The following MAP4 variants were observed in gnomAD, a reference collection of about 807,000 sequenced individuals.
MAP4 encodes microtubule associated protein 4.
MAP4 carries 76 observed loss-of-function variants against 170.2 expected under a neutral mutation model. That is an observed-to-expected ratio of 0.45 (90% CI 0.37 to 0.54). The LOEUF is 0.54. MAP4 is among the 20% of genes least tolerant of loss of function. The probability of loss-of-function intolerance (pLI) is 0.00; values close to 1 mark genes in which losing one functional copy is unlikely to be tolerated. For missense variants in MAP4, 2,506 were observed against 2,748.0 expected (o/e 0.91, Z 1.97); for synonymous variants, 909 against 994.5 (o/e 0.91, Z 1.62).
chr3:48,055,809 G>A (rs1395095474), intron 1 of MAP4, among the ~76,000 whole-genome samples: 1 of 140,436 alleles, frequency 7.1e-6, no homozygotes, highest in Non-Finnish European at 1.6e-5. Flanking sequence ...GAGCGTCTCT[G>A]CCCGGCCGCC....
chr3:48,084,589 T>G (rs1250408967), intron 1 of MAP4, among the ~76,000 whole-genome samples: 3 of 151,232 alleles, frequency 2.0e-5, no homozygotes, highest in South Asian at 2.1e-4. Context: ...TTTTTTTTTT[T>G]GCAGGGGTGA....
chr3:47,899,133 G>A (rs1319693684), intron 10 of MAP4, among the ~76,000 whole-genome samples: 2 of 152,100 alleles, frequency 1.3e-5, no homozygotes, highest in Non-Finnish European at 2.9e-5. Flanking sequence ...TGGTGGATGA[G>A]GTAAATACAT....
intron 1 of MAP4, among the ~76,000 whole-genome samples, chr3:48,035,757 T>C (rs1180318289): frequency 6.6e-6 from 1 of 151,920 alleles, no homozygotes; most frequent in African/African-American, 2.4e-5. Flanking sequence ...CTGGCCAACA[T>C]GATGAAACCC....
chr3:47,984,658 C>T (rs1193083298), intron 2 of MAP4, among the ~76,000 whole-genome samples: 1 of 151,450 alleles, frequency 6.6e-6, no homozygotes, highest in Non-Finnish European at 1.5e-5. Context: ...ATCACAAAAC[C>T]CTGTCTCTAT....
intron 3 of MAP4, among the ~76,000 whole-genome samples, chr3:47,949,884 T>C (rs1211266068): frequency 8.0e-6 from 1 of 125,400 alleles, no homozygotes; most frequent in African/African-American, 3.8e-5. Flanking sequence ...GTTTTAGGGA[T>C]ACCACAATGA....
intron 9 of MAP4, among the ~76,000 whole-genome samples, chr3:47,904,620 A>G (rs1292925845): frequency 7.0e-6 from 1 of 142,802 alleles, no homozygotes; most frequent in Non-Finnish European, 1.5e-5. Flanking sequence ...TATTTTTACT[A>G]ACACCACTAA....
chr3:47,871,982 G>C lies in MAP4; in HGVS notation c.5876C>G (p.Ala1959Gly), dbSNP rs143669663. 1.1e-5 allele frequency: 17 copies of C among 1,614,010 alleles called. No individual in the cohort carries two copies. The highest frequency in any genetic ancestry group is 1.4e-5 in the Non-Finnish European group (17 of 1,179,988). ...GCTTGGGCCAGTTGAGGCAACAGCA[G>C]CAGCTGTTGTGGTTTTTGCAACAGT... ...TQTVAKTTTA[A>G]AVASTGPSSR... The change falls in exon 13 of 21, where the codon GCT (alanine) becomes GGT (glycine). Residue 1959 changes from alanine to glycine, a missense_variant. Coordinates refer to ENST00000683076, the MANE Select transcript of MAP4 (RefSeq NM_001385682.1).
At chr3:47,918,880 G>A in intron 5 of MAP4, 39 bp from the exon 6 acceptor site, 1 of 1,550,152 alleles carries the variant, frequency 6.5e-7, no homozygotes, top group Non-Finnish European at 8.8e-7. Context: ...TTGAAACTTA[G>A]TAAACATTGG....
At chr3:48,086,393 C>T (rs1405966782) in intron 1 of MAP4, among the ~76,000 whole-genome samples, 5 of 152,196 alleles carry the variant, frequency 3.3e-5, no homozygotes, top group Non-Finnish European at 4.4e-5. Flanking sequence ...TCCCAGGGCA[C>T]TTTGGGAGGC....
At chr3:47,870,742 G>A (rs2090173738) in intron 15 of MAP4, 71 bp downstream of exon 15, 1 of 1,448,008 alleles carries the variant, frequency 6.9e-7, no homozygotes, top group East Asian at 2.3e-5. Context: ...GTGGGCCTGG[G>A]AACAGTGGGT....
intron 2 of MAP4, among the ~76,000 whole-genome samples, 188 bp from the exon 3 acceptor site, chr3:47,978,121 C>T (rs1019938716): frequency 5.9e-5 from 9 of 152,134 alleles, no homozygotes; most frequent in Non-Finnish European, 1.2e-4. Flanking sequence ...ATCATTAATT[C>T]CTAGGGCACC....
intron 10 of MAP4, among the ~76,000 whole-genome samples, chr3:47,887,376 G>C (rs2097774907): frequency 6.6e-6 from 1 of 152,238 alleles, no homozygotes; most frequent in Non-Finnish European, 1.5e-5. Flanking sequence ...GGTGTACTGA[G>C]TCCCCCAGCA....
At chr3:48,030,627 C>G (rs1011317123) in intron 1 of MAP4, among the ~76,000 whole-genome samples, 6 of 151,066 alleles carry the variant, frequency 4.0e-5, no homozygotes, top group South Asian at 2.1e-4. Context: ...GATTAAAACC[C>G]GTCTCTATAA....
At chr3:48,062,264 C>A (rs1295091791) in intron 1 of MAP4, among the ~76,000 whole-genome samples, 1 of 152,080 alleles carries the variant, frequency 6.6e-6, no homozygotes, top group Non-Finnish European at 1.5e-5. Flanking sequence ...AAGGGCGGAG[C>A]AAGATGTGCT....
chr3:48,056,489 G>T (rs2100131746), intron 1 of MAP4, among the ~76,000 whole-genome samples: 1 of 19,924 alleles, frequency 5.0e-5, no homozygotes, highest in Admixed American at 3.8e-4. Context: ...GAGGGAGGTG[G>T]GGGGGGTCAG....
At chr3:47,971,986 A>G (rs186391869) in intron 3 of MAP4, among the ~76,000 whole-genome samples, 139 of 152,362 alleles carry the variant, frequency 9.1e-4, no homozygotes, top group African/African-American at 3.2e-3. Context: ...TTAATGGTCA[A>G]TTATTCCTTA....
intron 3 of MAP4, among the ~76,000 whole-genome samples, chr3:47,962,039 T>C (rs1041054412): frequency 3.3e-5 from 5 of 152,212 alleles, no homozygotes; most frequent in South Asian, 2.1e-4. Context: ...ACCAGTGCCA[T>C]GGCAGTTTAC....
intron 3 of MAP4, among the ~76,000 whole-genome samples, chr3:47,949,154 T>C (rs935953711): frequency 2.0e-5 from 3 of 152,138 alleles, no homozygotes; most frequent in African/African-American, 7.2e-5. Flanking sequence ...ATTTAGGTTC[T>C]AGGGATAAAG....
At chr3:47,901,367 A>AC (rs1313561786) in intron 10 of MAP4, among the ~76,000 whole-genome samples, 3 of 152,292 alleles carry the variant, frequency 2.0e-5, no homozygotes, top group Admixed American at 1.3e-4. Context: ...TAAACTAAAT[A>AC]CTAAAAAGTA....
Sources: allele counts gnomAD v4.1 joint callset (sites outside exome capture counted in the v4.1 genomes callset), GRCh38; gene constraint gnomAD v4.1.1; transcripts MANE v1.5; gene names NCBI Gene and HGNC (gene_info 2026-07-23, HGNC 2026-07-21).